CARD8: variants seen among roughly 807,000 people sequenced by gnomAD.
The protein encoded by CARD8 is caspase recruitment domain family member 8.
CARD8 carries 38 observed loss-of-function variants against 53.2 expected under a neutral mutation model. That is an observed-to-expected ratio of 0.71 (90% CI 0.55 to 0.94). CARD8 has a LOEUF of 0.94. Among genes scored for constraint, CARD8 ranks in the 40% least tolerant of loss-of-function variants. The probability of loss-of-function intolerance (pLI) is 0.00; values close to 1 mark genes in which losing one functional copy is unlikely to be tolerated. For synonymous variants in CARD8, 245 were observed against 244.9 expected (o/e 1.00, Z 0.00); for missense variants, 561 against 655.5 (o/e 0.86, Z 1.57).
At chr19:48,224,258 T>A (rs2041286825) in intron 10 of CARD8, among the ~76,000 whole-genome samples, 1 of 152,046 alleles carries the variant, frequency 6.6e-6, no homozygotes, top group South Asian at 2.1e-4. Flanking sequence ...ATGCAATTTT[T>A]AATTTCATAG....
At chr19:48,238,127 G>A in intron 5 of CARD8, 1 of 407,880 alleles carries the variant, frequency 2.5e-6, no homozygotes, top group South Asian at 3.1e-5. Context: ...TTGACCTCAG[G>A]CGATCCACCT....
At position 48,230,847 on chromosome 19, in the gene CARD8, C is replaced by T; in HGVS notation, c.702G>A (p.Leu234=). The part of the protein sequence containing the change: ...HHEQWLVGGP[L]FDVTAEPEEA... ...CCTCTGGCTCTGCAGTGACATCAAA[C>T]AAGGGGCCGCCCACCAGCCACTGTT... The change falls in exon 9 of 14, where the codon TTG becomes TTA. Residue 234 remains leucine (L), a synonymous_variant. Transcript: ENST00000651546. 6.2e-7 allele frequency: 1 copy of T among 1,614,158 alleles called. No homozygotes were observed. The highest frequency in any genetic ancestry group is 8.5e-7 in the Non-Finnish European group (1 of 1,180,026).
At chr19:48,231,996 G>T (rs758367459) in intron 7 of CARD8, 186 bp from the exon 8 acceptor site, 32 of 690,812 alleles carry the variant, frequency 4.6e-5, no homozygotes, top group Non-Finnish European at 1.8e-5. Context: ...AATGTTCCTT[G>T]TCATGACTAA....
intron 1 of CARD8, among the ~76,000 whole-genome samples, chr19:48,251,955 T>TTG: frequency 6.6e-6 from 1 of 152,264 alleles, no homozygotes; most frequent in South Asian, 2.1e-4. Flanking sequence ...TTGTGTGCTT[T>TTG]TATTGCTCAA....
At chr19:48,231,515 G>C in intron 8 of CARD8, 145 bp downstream of exon 8, 2 of 756,716 alleles carry the variant, frequency 2.6e-6, no homozygotes, top group Admixed American at 2.7e-5. Context: ...ATGTTGGCCA[G>C]GCTGGTCTCG....
chr19:48,230,873 C>A lies in CARD8; in HGVS notation c.676G>T (p.Glu226Ter), dbSNP rs2042740669. The change falls in exon 9 of 14, where the codon GAA (glutamate) becomes TAA (stop). Residue 226 changes from glutamate (E) to a stop codon, truncating the protein, a stop_gained. Transcript: ENST00000651546. LOFTEE classifies it high-confidence loss of function. ...AAGGGGCCGCCCACCAGCCACTGTT[C>A]ATGGTGCTGCAGGTCCAGGGCCAGG... ...QHLALDLQHH[E>*]QWLVGGPLFD... 1 of 1,614,082 alleles carries A rather than the reference C, an allele frequency of 6.2e-7. No homozygotes were observed. Among genetic ancestry groups the A allele is most frequent in the Non-Finnish European group, 8.5e-7 (1 of 1,180,042 alleles).
At chr19:48,227,664 G>A (rs1323081568) in intron 10 of CARD8, among the ~76,000 whole-genome samples, 1 of 152,006 alleles carries the variant, frequency 6.6e-6, no homozygotes, top group East Asian at 1.9e-4. Context: ...TTAGCCAGGT[G>A]TGGTGGTGTG....
At chr19:48,236,608 G>A (rs1312378988) in intron 5 of CARD8, among the ~76,000 whole-genome samples, 1 of 152,150 alleles carries the variant, frequency 6.6e-6, no homozygotes, top group Non-Finnish European at 1.5e-5. Context: ...CATGTTAAAT[G>A]GGTGCATGGA....
chr19:48,215,276 G>T, intron 13 of CARD8, 64 bp downstream of exon 13: 1 of 1,189,812 alleles, frequency 8.4e-7, no homozygotes, highest in Non-Finnish European at 1.3e-6. Context: ...ACCTTCCACT[G>T]TCACTCAAAG....
At chr19:48,254,314 G>T (rs16981905) in intron 1 of CARD8, among the ~76,000 whole-genome samples, 5,933 of 152,148 alleles carry the variant, frequency 0.039, 196 homozygotes, top group African/African-American at 0.084. Context: ...TCAATCTTAG[G>T]ATATATACTT....
At chr19:48,250,454 C>G (rs2046804486) in intron 1 of CARD8, among the ~76,000 whole-genome samples, 1 of 152,108 alleles carries the variant, frequency 6.6e-6, no homozygotes, top group South Asian at 2.1e-4. Context: ...AGGATAAGAC[C>G]CCCCCTCTTC....
intron 13 of CARD8, among the ~76,000 whole-genome samples, chr19:48,212,654 C>T (rs1242779776): frequency 6.6e-6 from 1 of 152,190 alleles, no homozygotes; most frequent in Non-Finnish European, 1.5e-5. Context: ...AGCTACTAAG[C>T]TTTGATTTCA....
At chr19:48,231,302 TTTTA>T (rs949854024) in intron 8 of CARD8, among the ~76,000 whole-genome samples, 33 of 152,048 alleles carry the variant, frequency 2.2e-4, no homozygotes, top group Non-Finnish European at 4.6e-4. Context: ...GTATTTATAT[TTTTA>T]TTTATTTATT....
upstream of CARD8, chr19:48,255,939 A>G (rs1967244315): frequency 6.6e-6 from 1 of 152,236 alleles, no homozygotes; most frequent in Non-Finnish European, 1.5e-5. Context: ...AACTGAGGGA[A>G]GTAAGCTCTC....
chr19:48,233,107 C>T (rs1296238803), intron 6 of CARD8: 1 of 354,226 alleles, frequency 2.8e-6, no homozygotes, highest in African/African-American at 2.1e-5. Flanking sequence ...CAGGTCACAG[C>T]CCACATCAAT....
intron 12 of CARD8, among the ~76,000 whole-genome samples, chr19:48,218,047 C>T (rs765473865): frequency 1.3e-4 from 20 of 152,244 alleles, no homozygotes; most frequent in Middle Eastern, 6.8e-3. Context: ...CCCCTAGGTT[C>T]GAGGGTTTCC....
rs968998898 is a variant in CARD8, at chr19:48,209,581, A to T, written c.*2129T>A. On this transcript the variant is annotated 3_prime_UTR_variant, in exon 14 of 14. Transcript: ENST00000651546. ...TAGAATATCAGGGACATTTAGGAAA[A>T]CATAAAAGTCTAACATTTCCACAAT... 6.6e-6 allele frequency: 1 copy of T among 152,228 alleles called. No individual in the cohort carries two copies. The highest frequency in any genetic ancestry group is 2.4e-5 in the African/African-American group (1 of 41,462). 9.4% of individuals were successfully genotyped at this position (152,228 alleles called of 1,614,324 possible).
chr19:48,221,424 CGTTA>C (rs756091172), intron 11 of CARD8, among the ~76,000 whole-genome samples: 2 of 151,940 alleles, frequency 1.3e-5, no homozygotes, highest in Non-Finnish European at 2.9e-5. Context: ...ATATTAAGTG[CGTTA>C]GTTAGGCAAG....
intron 3 of CARD8, among the ~76,000 whole-genome samples, chr19:48,248,045 GA>G (rs2046395535): frequency 6.6e-6 from 1 of 151,902 alleles, no homozygotes; most frequent in Non-Finnish European, 1.5e-5. Flanking sequence ...ATTATTTCAT[GA>G]AAACCAAATA....
Sources: allele counts gnomAD v4.1 joint callset (sites outside exome capture counted in the v4.1 genomes callset), GRCh38; gene constraint gnomAD v4.1.1; transcripts MANE v1.5; gene names NCBI Gene and HGNC (gene_info 2026-07-23, HGNC 2026-07-21).